TRIM2: variants seen among roughly 807,000 people sequenced by gnomAD.
The protein encoded by TRIM2 is tripartite motif-containing protein 2.
Under a neutral mutation model 75.2 loss-of-function variants are expected in TRIM2, and 20 were observed. That is an observed-to-expected ratio of 0.27 (90% confidence interval 0.19 to 0.39). TRIM2 has a LOEUF of 0.39. Ranked by LOEUF, TRIM2 falls within the 10% of genes least tolerant of loss-of-function variation. The pLI, the probability that TRIM2 is intolerant of heterozygous loss-of-function variation, is 1.00. For missense variants in TRIM2, 660 were observed against 990.8 expected (o/e 0.67, Z 4.48); for synonymous variants, 373 against 388.3 (o/e 0.96, Z 0.46).
chr4:153,336,596 G>A lies in TRIM2; in HGVS notation c.*1630G>A. 2 of 985,700 alleles carry A rather than the reference G, an allele frequency of 2.0e-6. No homozygotes were observed. The highest frequency in any genetic ancestry group is 2.4e-6 in the Non-Finnish European group (2 of 829,898). 61.1% of individuals were successfully genotyped at this position (985,700 alleles called of 1,614,324 possible). A position where few individuals can be genotyped will look rare whatever the true frequency, so the allele number is the denominator to read the frequency against. On this transcript the variant is annotated 3_prime_UTR_variant, in exon 12 of 12. Transcript: ENST00000338700. ...TGACATTTTTGATAGTGACTTTGGGGTCTTCTTCACTGAAAGCACCTTAGA... is the reference window on the plus strand; with the variant it reads ...TGACATTTTTGATAGTGACTTTGGGATCTTCTTCACTGAAAGCACCTTAGA...
At chr4:153,196,269 C>CACA (rs199997361) in intron 1 of TRIM2, among the ~76,000 whole-genome samples, 16 of 149,380 alleles carry the variant, frequency 1.1e-4, no homozygotes, top group African/African-American at 3.8e-4. Flanking sequence ...TACCACCCCC[C>CACA]CCCACACACA....
intron 1 of TRIM2, among the ~76,000 whole-genome samples, chr4:153,254,772 C>T (rs1751661644): frequency 6.6e-6 from 1 of 152,198 alleles, no homozygotes; most frequent in African/African-American, 2.4e-5. Flanking sequence ...GCTGAGCCCC[C>T]AAAACCCATT....
chr4:153,331,666 C>A (rs1478029411), intron 11 of TRIM2, among the ~76,000 whole-genome samples: 3 of 152,042 alleles, frequency 2.0e-5, no homozygotes, highest in Admixed American at 6.6e-5. Context: ...AAGGAAATAG[C>A]TAAAACAATT....
chr4:153,184,347 G>GAA, intron 1 of TRIM2, among the ~76,000 whole-genome samples: 3 of 152,056 alleles, frequency 2.0e-5, no homozygotes, highest in Non-Finnish European at 4.4e-5. Context: ...GTGCACACGT[G>GAA]GAGAGAGAGA....
intron 1 of TRIM2, among the ~76,000 whole-genome samples, chr4:153,263,216 C>A (rs1395165518): frequency 6.6e-6 from 1 of 152,074 alleles, no homozygotes; most frequent in East Asian, 1.9e-4. Flanking sequence ...GTGGTCCCAG[C>A]TACTTGGGAG....
upstream of TRIM2, among the ~76,000 whole-genome samples, chr4:153,201,859 A>C (rs1734413077): frequency 6.6e-6 from 1 of 152,204 alleles, no homozygotes; most frequent in African/African-American, 2.4e-5. Flanking sequence ...TGGAAAAATA[A>C]ACTTTCTAGG....
intron 1 of TRIM2, among the ~76,000 whole-genome samples, chr4:153,192,151 C>A (rs1047909612): frequency 6.6e-6 from 1 of 152,196 alleles, no homozygotes; most frequent in African/African-American, 2.4e-5. Context: ...CCAGGCATCC[C>A]GCACCACAGT....
intron 1 of TRIM2, among the ~76,000 whole-genome samples, chr4:153,198,805 C>A (rs1275108212): frequency 6.6e-6 from 1 of 152,126 alleles, no homozygotes; most frequent in Admixed American, 6.5e-5. Flanking sequence ...GTTAATTGGG[C>A]TTTGGCTCTT....
At position 153,293,148 on chromosome 4, in the gene TRIM2, C is replaced by T; in HGVS notation, c.605+15C>T. The T allele has an allele frequency of 1.3e-6, 2 of 1,593,206 alleles. No individual in the cohort carries two copies. The highest frequency in any genetic ancestry group is 1.7e-6 in the Non-Finnish European group (2 of 1,164,950). On this transcript the variant is annotated intron_variant, in intron 4 of 11. Coordinates refer to ENST00000338700, the MANE Select transcript of TRIM2 (RefSeq NM_015271.5). ...GTCAACAAAAGGTGGGGGACCCCTC[C>T]CCAAACCCCCAACTGGCTGCCTGTA...
exon 1 of TRIM2, chr4:153,153,165 C>T (rs1422145075): frequency 6.6e-6 from 1 of 152,322 alleles, no homozygotes. Flanking sequence ...CAGCTGGTCG[C>T]CTGCTTGTCA....
chr4:153,178,863 A>G (rs1731747797), intron 1 of TRIM2, among the ~76,000 whole-genome samples: 1 of 152,244 alleles, frequency 6.6e-6, no homozygotes, highest in Non-Finnish European at 1.5e-5. Context: ...CTTAATCAAG[A>G]GTAAAATTTA....
intron 1 of TRIM2, among the ~76,000 whole-genome samples, chr4:153,179,048 A>T (rs4282151): frequency 6.6e-6 from 1 of 151,698 alleles, no homozygotes; most frequent in African/African-American, 2.4e-5. Context: ...AAATTAGCCC[A>T]GGTATGGTGG....
At chr4:153,302,704 C>T (rs1207876996) in intron 6 of TRIM2, among the ~76,000 whole-genome samples, 1 of 152,254 alleles carries the variant, frequency 6.6e-6, no homozygotes, top group African/African-American at 2.4e-5. Flanking sequence ...GCTACTTGAA[C>T]TCCCTCTGTG....
At chr4:153,192,739 G>A (rs1733338267) in intron 1 of TRIM2, among the ~76,000 whole-genome samples, 1 of 152,016 alleles carries the variant, frequency 6.6e-6, no homozygotes, top group Non-Finnish European at 1.5e-5. Flanking sequence ...AGATCCAGGA[G>A]TCCCCGGGCC....
chr4:153,337,613 G>A lies in TRIM2; in HGVS notation c.*2647G>A, dbSNP rs1373612952. 11 of 985,632 alleles carry A rather than the reference G, an allele frequency of 1.1e-5. No homozygotes were observed. Among genetic ancestry groups the A allele is most frequent in the Non-Finnish European group, 1.3e-5 (11 of 829,934 alleles). 61.1% of individuals were successfully genotyped at this position (985,632 alleles called of 1,614,324 possible). On this transcript the variant is annotated 3_prime_UTR_variant, in exon 12 of 12. Transcript: ENST00000338700. ...TTTCTTGGTAAGCATATTTTTGGGG[G>A]AAAGTGCTGCTGATATGATACAAGT...
At chr4:153,237,201 C>T (rs1442368068) in intron 1 of TRIM2, among the ~76,000 whole-genome samples, 1 of 152,078 alleles carries the variant, frequency 6.6e-6, no homozygotes, top group African/African-American at 2.4e-5. Flanking sequence ...TATATTTCTT[C>T]TACATGCAAT....
intron 1 of TRIM2, among the ~76,000 whole-genome samples, chr4:153,183,580 C>A (rs1732287877): frequency 1.3e-5 from 2 of 152,184 alleles, no homozygotes; most frequent in South Asian, 4.2e-4. Context: ...CACAGCTGAA[C>A]CTGAGAAGCA....
intron 1 of TRIM2, among the ~76,000 whole-genome samples, chr4:153,250,968 G>A (rs1391221919): frequency 6.6e-6 from 1 of 152,200 alleles, no homozygotes; most frequent in Non-Finnish European, 1.5e-5. Flanking sequence ...CTTGTGCAAT[G>A]TATAACATTA....
At chr4:153,256,985 A>ATCAG (rs1475943725) in intron 1 of TRIM2, among the ~76,000 whole-genome samples, 1 of 152,200 alleles carries the variant, frequency 6.6e-6, no homozygotes, top group African/African-American at 2.4e-5. Flanking sequence ...ATCTAAGGAA[A>ATCAG]TCAGTCGTCT....
Sources: gnomAD v4.1 joint callset for allele counts (sites outside exome capture counted in the v4.1 genomes callset) on GRCh38, gnomAD v4.1.1 for gene constraint, MANE v1.5 for transcripts, NCBI Gene and HGNC (gene_info 2026-07-23, HGNC 2026-07-21) for gene names.